Variants in AGL observed in about 807,000 individuals in gnomAD.
The protein encoded by AGL is glycogen debranching enzyme.
Under a neutral mutation model 199.3 loss-of-function variants are expected in AGL, and 128 were observed. The observed-to-expected ratio is 0.64, with a 90% CI of 0.56 to 0.74. AGL has a LOEUF of 0.74. AGL is among the 30% of genes least tolerant of loss of function. AGL has a pLI of 0.00. For synonymous variants in AGL, 584 were observed against 594.7 expected, an observed-to-expected ratio of 0.98 and a Z score of 0.26; for missense variants, 1,809 against 1,820.8, an observed-to-expected ratio of 0.99 and a Z score of 0.12.
chr1:99,875,627 A>T (rs1651456747), intron 10 of AGL, among the ~76,000 whole-genome samples, 172 bp downstream of exon 10: 1 of 152,200 alleles, frequency 6.6e-6, no homozygotes. Context: ...TTGTTAGGCA[A>T]ATATTTTGTT....
intron 20 of AGL, among the ~76,000 whole-genome samples, chr1:99,887,527 A>G (rs762888169): frequency 7.2e-5 from 11 of 152,216 alleles, no homozygotes; most frequent in Admixed American, 6.5e-5. Flanking sequence ...ATCCTCTGAT[A>G]AGTATTTTTA....
rs1277560524 is a variant in AGL at position 99,891,655 on chromosome 1, G to A, written c.2999G>A (p.Arg1000His). Residue 1000 changes from arginine to histidine, a missense_variant, in exon 23 of 34, where the codon CGT becomes CAT. Coordinates refer to ENST00000361915, the MANE Select transcript of AGL (RefSeq NM_000642.3). ...TTCTTCTACCTGAAGCAGATCCCAC[G>A]TTACCTTATCCCATGTTACTTTGAT... Reference protein sequence around the residue: ...AMFFYLKQIPRYLIPCYFDAI... With the variant: ...AMFFYLKQIPHYLIPCYFDAI... 5 of 1,613,500 alleles carry A rather than the reference G, an allele frequency of 3.1e-6. No individual in the cohort carries two copies. Among genetic ancestry groups the A allele is most frequent in the Non-Finnish European group, 4.2e-6 (5 of 1,179,614 alleles).
At chr1:99,877,513 G>A in intron 11 of AGL, 128 bp from the exon 12 acceptor site, 1 of 794,134 alleles carries the variant, frequency 1.3e-6, no homozygotes, top group Middle Eastern at 3.2e-4. Flanking sequence ...TACCACTTTA[G>A]ATATAATTTA....
chr1:99,893,389 T>A (rs1653058476), intron 24 of AGL, among the ~76,000 whole-genome samples: 1 of 152,194 alleles, frequency 6.6e-6, no homozygotes, highest in South Asian at 2.1e-4. Flanking sequence ...GAAACATTCA[T>A]AAAACGTTGT....
At position 99,862,413 on chromosome 1, in the gene AGL, A is replaced by G. The variant is rs1363313559; in HGVS notation, c.450A>G (p.Ala150=). The change falls in exon 4 of 34, where the codon GCA becomes GCG. Residue 150 remains alanine (A), a synonymous_variant. Coordinates refer to ENST00000361915, the MANE Select transcript of AGL (RefSeq NM_000642.3). ...FDEWESRLRV[A]KESGYNMIHF... The stretch of plus-strand genomic sequence containing the variant: ...AATGGGAAAGCAGACTTAGGGTTGC[A>G]AAAGAATCAGGTAATGTCAGCTTGC... The G allele has an allele frequency of 3.1e-6, 5 of 1,614,040 alleles. No individual in the cohort carries two copies. Among genetic ancestry groups the G allele is most frequent in the South Asian group, 1.1e-5 (1 of 91,082 alleles).
In AGL at chr1:99,922,854, T is replaced by C. The variant is rs1207551125; in HGVS notation, c.*1203T>C. ...GGCTCATTTATACCTAATAAAATAA[T>C]GGTATTTTAAAATAATGCTACTTTC... On this transcript the variant is annotated 3_prime_UTR_variant, in exon 34 of 34. Transcript: ENST00000361915. 1.3e-5 allele frequency: 2 copies of C among 152,030 alleles called. No individual in the cohort carries two copies. Among genetic ancestry groups the C allele is most frequent in the Non-Finnish European group, 2.9e-5 (2 of 67,930 alleles). 9.4% of individuals were successfully genotyped at this position (152,030 alleles called of 1,614,324 possible). A position where few individuals can be genotyped will look rare whatever the true frequency, so the allele number is the denominator to read the frequency against.
intron 24 of AGL, among the ~76,000 whole-genome samples, chr1:99,894,472 T>C (rs2100798597): frequency 6.6e-6 from 1 of 152,322 alleles, no homozygotes; most frequent in Middle Eastern, 3.4e-3. Context: ...CACAGAGTGC[T>C]ATATATATGT....
At chr1:99,902,925 G>A in intron 27 of AGL, 131 bp downstream of exon 27, 2 of 696,138 alleles carry the variant, frequency 2.9e-6, no homozygotes, top group Admixed American at 2.8e-5. Flanking sequence ...CATAGTTCCT[G>A]ATCTCACCAA....
chr1:99,874,839 A>G, intron 8 of AGL, 29 bp downstream of exon 8: 1 of 1,608,854 alleles, frequency 6.2e-7, no homozygotes, highest in Non-Finnish European at 8.5e-7. Context: ...TCTGTGAAAT[A>G]ATAATATTAC....
rs746219702 is a variant in AGL, at chr1:99,862,243, G to GT, written c.294-8dup. On this transcript the variant is annotated splice_polypyrimidine_tract_variant and intron_variant, in intron 3 of 33. Coordinates refer to ENST00000361915, the MANE Select transcript of AGL (RefSeq NM_000642.3). ...TCACTGACTGAAAAGTTTTTGTTTT[G>GT]TTTTTTCCCTTAGAAATGAGAAAAG... The GT allele has an allele frequency of 5.0e-6, 8 of 1,613,484 alleles. No individual in the cohort carries two copies. In the South Asian group the frequency reaches 7.7e-5, roughly 16 times the overall value.
intron 5 of AGL, among the ~76,000 whole-genome samples, chr1:99,868,157 T>C (rs1224487004): frequency 6.6e-6 from 1 of 152,234 alleles, no homozygotes; most frequent in Non-Finnish European, 1.5e-5. Context: ...ATTTATTTTT[T>C]AATGTTGATG....
At chr1:99,883,929 A>G (rs1206615169) in intron 17 of AGL, among the ~76,000 whole-genome samples, 191 bp from the exon 18 acceptor site, 1 of 152,184 alleles carries the variant, frequency 6.6e-6, no homozygotes, top group Admixed American at 6.5e-5. Context: ...AGCTTTGTTA[A>G]CTAAGCTGTA....
At chr1:99,919,505 C>T (rs1053046015) in intron 33 of AGL, among the ~76,000 whole-genome samples, 7 of 152,084 alleles carry the variant, frequency 4.6e-5, no homozygotes, top group Non-Finnish European at 8.8e-5. Context: ...ATTTAGAAGC[C>T]AGATCTGAGC....
intron 12 of AGL, among the ~76,000 whole-genome samples, chr1:99,879,464 A>G (rs1300467857): frequency 6.6e-6 from 1 of 152,008 alleles, no homozygotes; most frequent in Non-Finnish European, 1.5e-5. Context: ...CGTGCCTGTA[A>G]TCCCAGCTAC....
rs1423641635 is a variant in AGL, at chr1:99,922,731, G to A, written c.*1080G>A. The A allele has an allele frequency of 6.6e-6, 1 of 151,802 alleles. No homozygotes were observed. Among genetic ancestry groups the A allele is most frequent in the Non-Finnish European group, 1.5e-5 (1 of 67,846 alleles). 9.4% of individuals were successfully genotyped at this position (151,802 alleles called of 1,614,324 possible). On this transcript the variant is annotated 3_prime_UTR_variant, in exon 34 of 34. Transcript: ENST00000361915. ...TATTTCCTAGATAGAATTTTTTACT[G>A]TTTTTTACTGTTTTCTTAAGAAAAC...
intron 13 of AGL, 44 bp downstream of exon 13, chr1:99,880,090 G>A: frequency 6.2e-7 from 1 of 1,611,482 alleles, no homozygotes; most frequent in Admixed American, 1.7e-5. Context: ...TTTAGCTTTT[G>A]TTTAAGTAGA....
Position 99,923,507 on chromosome 1 carries a change from C to T in AGL, c.*1856C>T, listed in dbSNP as rs1361159967. The stretch of plus-strand genomic sequence containing the variant: ...TTATCTCTAGTAAGGCAGATACCCA[C>T]GTTGGTAAATTTTTAGGATATTGTG... On this transcript the variant is annotated 3_prime_UTR_variant, in exon 34 of 34. Coordinates refer to ENST00000361915, the MANE Select transcript of AGL (RefSeq NM_000642.3). 2 of 151,952 alleles carry T rather than the reference C, an allele frequency of 1.3e-5. No individual in the cohort carries two copies. Among genetic ancestry groups the T allele is most frequent in the East Asian group, 1.9e-4 (1 of 5,188 alleles). 9.4% of individuals were successfully genotyped at this position (151,952 alleles called of 1,614,324 possible).
At chr1:99,897,386 A>C (rs1557777213) in intron 25 of AGL, among the ~76,000 whole-genome samples, 1 of 152,232 alleles carries the variant, frequency 6.6e-6, no homozygotes, top group Admixed American at 6.5e-5. Flanking sequence ...TGAAGTTTGA[A>C]AGCACTGCTC....
intron 33 of AGL, 132 bp downstream of exon 33, chr1:99,916,863 C>A: frequency 1.1e-6 from 1 of 951,946 alleles, no homozygotes; most frequent in Non-Finnish European, 1.6e-6. Context: ...AGCCTTTATT[C>A]TTTAACATGA....
Sources: allele counts gnomAD v4.1 joint callset (sites outside exome capture counted in the v4.1 genomes callset), GRCh38; gene constraint gnomAD v4.1.1; transcripts MANE v1.5; gene names NCBI Gene and HGNC (gene_info 2026-07-23, HGNC 2026-07-21).